KIF26B: variants seen among roughly 807,000 people sequenced by gnomAD.
The protein encoded by KIF26B is kinesin family member 26B, also known as kinesin-like protein KIF26B.
In KIF26B, 63 loss-of-function variants were observed where a neutral mutation model predicts 151.2. The observed-to-expected ratio is 0.42, with a 90% confidence interval of 0.34 to 0.51. The LOEUF (loss-of-function observed/expected upper bound fraction) is 0.51. KIF26B is among the 20% of genes least tolerant of loss of function. The pLI is 0.07. For missense variants in KIF26B, 2,813 were observed against 2,913.6 expected (o/e 0.97, Z 0.79); for synonymous variants, 1,357 against 1,262.1 (o/e 1.08, Z -1.59).
At chr1:245,549,309 C>G (rs1159004049) in intron 5 of KIF26B, among the ~76,000 whole-genome samples, 1 of 152,162 alleles carries the variant, frequency 6.6e-6, no homozygotes, top group East Asian at 1.9e-4. Context: ...AGGGAATTCT[C>G]TCTGGAATAA....
chr1:245,607,414 C>T lies in KIF26B; in HGVS notation c.1558-237C>T, dbSNP rs186157698. Among the ~76,000 whole-genome samples, 20 of 152,302 alleles carry T rather than the reference C, an allele frequency of 1.3e-4. No homozygotes were observed. In the East Asian group the frequency reaches 3.9e-3, roughly 29 times the overall value. On this transcript the variant is annotated intron_variant, in intron 6 of 14. Coordinates refer to ENST00000407071, the MANE Select transcript of KIF26B (RefSeq NM_018012.4). ...CTACAGACGCATTCGCTGAAACGTA[C>T]CACGGATTAGCAGAAGGGTGGTTTG...
At chr1:245,329,765 G>A (rs373302234) in intron 2 of KIF26B, among the ~76,000 whole-genome samples, 1 of 152,174 alleles carries the variant, frequency 6.6e-6, no homozygotes, top group South Asian at 2.1e-4. Flanking sequence ...AAACAATAGA[G>A]TGACATGTAT....
chr1:245,280,680 T>A (rs1162092081), intron 2 of KIF26B, among the ~76,000 whole-genome samples: 1 of 133,914 alleles, frequency 7.5e-6, no homozygotes, highest in African/African-American at 2.9e-5. Flanking sequence ...TGTATACATG[T>A]GCCATGCTGG....
At chr1:245,413,538 C>T (rs547612895) in intron 3 of KIF26B, among the ~76,000 whole-genome samples, 1 of 152,212 alleles carries the variant, frequency 6.6e-6, no homozygotes, top group African/African-American at 2.4e-5. Flanking sequence ...TGGCGTCCAC[C>T]TGTAATCCCA....
At position 245,707,257 on chromosome 1, in the gene KIF26B, C is replaced by T. The variant is rs2044853922; in HGVS notation, c.*4651C>T. 6.6e-6 allele frequency: 1 copy of T among 152,204 alleles called. No homozygotes were observed. Among genetic ancestry groups the T allele is most frequent in the African/African-American group, 2.4e-5 (1 of 41,438 alleles). 9.4% of individuals were successfully genotyped at this position (152,204 alleles called of 1,614,324 possible). A position where few individuals can be genotyped will look rare whatever the true frequency, so the allele number is the denominator to read the frequency against. On this transcript the variant is annotated 3_prime_UTR_variant, in exon 15 of 15. Coordinates refer to ENST00000407071, the MANE Select transcript of KIF26B (RefSeq NM_018012.4). Reference sequence around the variant, plus strand: ...GCGGCTTGGGGCAGTATCAAGCCTTCATTGCATACAAACCTTAATCTCTAA... The same window carrying T: ...GCGGCTTGGGGCAGTATCAAGCCTTTATTGCATACAAACCTTAATCTCTAA...
intron 10 of KIF26B, chr1:245,676,087 T>G (rs1437195222): frequency 6.6e-6 from 1 of 152,232 alleles, no homozygotes; most frequent in African/African-American, 2.4e-5. Context: ...CTTTCAAGTC[T>G]AATACTCTGT....
intron 10 of KIF26B, among the ~76,000 whole-genome samples, chr1:245,659,001 G>A (rs1486446820): frequency 3.7e-4 from 57 of 152,096 alleles, no homozygotes; most frequent in Admixed American, 3.7e-3. Context: ...GGAAGCCAAG[G>A]CAGGAGGATC....
In KIF26B at chr1:245,495,116, CACA is replaced by C. The variant is rs1465250979; in HGVS notation, c.1167-45646_1167-45644del. Among the ~76,000 whole-genome samples the C allele has an allele frequency of 6.6e-6, 1 of 152,066 alleles. No homozygotes were observed. Among genetic ancestry groups the C allele is most frequent in the Non-Finnish European group, 1.5e-5 (1 of 68,010 alleles). On this transcript the variant is annotated intron_variant, in intron 4 of 14. Transcript: ENST00000407071. This position sits in a 1 kb window ranked among gnomAD's most constrained non-coding sequence, Gnocchi z 4.2. The stretch of plus-strand genomic sequence containing the variant: ...AAAATGAAATAATGGATATTAAGAA[CACA>C]ACAAGTGGATCTAATAGCAGATTAG...
At position 245,661,540 on chromosome 1, in the gene KIF26B, C is replaced by T. The variant is rs1045555132; in HGVS notation, c.2258+15260C>T. On this transcript the variant is annotated intron_variant, in intron 10 of 14. Transcript: ENST00000407071. ...ATTATATACAATATACACACATACC[C>T]AATATGTATATACACCCAATGTTAT... 2.0e-5 allele frequency among the ~76,000 whole-genome samples: 3 copies of T among 151,208 alleles called. No individual in the cohort carries two copies. The East Asian group carries it at 5.8e-4, about 29-fold the overall frequency.
chr1:245,222,549 C>T, intron 2 of KIF26B, among the ~76,000 whole-genome samples: 1 of 152,224 alleles, frequency 6.6e-6, no homozygotes, highest in East Asian at 1.9e-4. Flanking sequence ...GAATTTTTAT[C>T]TAATCTCAAA....
intron 3 of KIF26B, among the ~76,000 whole-genome samples, chr1:245,396,294 A>T (rs1673839891): frequency 6.6e-6 from 1 of 152,188 alleles, no homozygotes; most frequent in East Asian, 1.9e-4. Context: ...TTAAAGGATG[A>T]CTCACAAATT....
At chr1:245,171,661 T>C (rs1668711625) in intron 2 of KIF26B, among the ~76,000 whole-genome samples, 1 of 152,218 alleles carries the variant, frequency 6.6e-6, no homozygotes, top group South Asian at 2.1e-4. Flanking sequence ...GCATATTCTT[T>C]TAAATTATTA....
At chr1:245,348,270 C>A (rs555782174) in intron 2 of KIF26B, among the ~76,000 whole-genome samples, 1 of 152,278 alleles carries the variant, frequency 6.6e-6, no homozygotes, top group African/African-American at 2.4e-5. Context: ...GCCATCCCTC[C>A]CAGGCCCGTA....
intron 4 of KIF26B, among the ~76,000 whole-genome samples, chr1:245,469,051 G>A (rs1285528822): frequency 6.6e-6 from 1 of 152,164 alleles, no homozygotes; most frequent in Non-Finnish European, 1.5e-5. Flanking sequence ...ATCAGCTGCG[G>A]TAGAAAGAGA....
intron 3 of KIF26B, among the ~76,000 whole-genome samples, chr1:245,384,464 C>T (rs924889328): frequency 8.5e-5 from 13 of 152,296 alleles, no homozygotes; most frequent in Non-Finnish European, 1.5e-4. Flanking sequence ...CTTTCTGTTG[C>T]CCAGCTGGAT....
chr1:245,305,359 T>G (rs1671516100), intron 2 of KIF26B, among the ~76,000 whole-genome samples: 1 of 152,130 alleles, frequency 6.6e-6, no homozygotes, highest in Non-Finnish European at 1.5e-5. Context: ...ATAAAGAACC[T>G]GTACCCAGAA....
At chr1:245,365,562 G>A (rs1242077698) in intron 2 of KIF26B, among the ~76,000 whole-genome samples, 2 of 151,086 alleles carry the variant, frequency 1.3e-5, no homozygotes, top group Non-Finnish European at 2.9e-5. Context: ...CTCTGATGGG[G>A]CTTCTACCCC....
chr1:245,534,631 G>A (rs917324041), intron 4 of KIF26B, among the ~76,000 whole-genome samples: 1 of 152,126 alleles, frequency 6.6e-6, no homozygotes, highest in African/African-American at 2.4e-5. Context: ...GTAAGAATAA[G>A]ACAAGTAGTT....
intron 10 of KIF26B, among the ~76,000 whole-genome samples, chr1:245,659,561 C>A (rs72764818): frequency 6.6e-6 from 1 of 151,980 alleles, no homozygotes; most frequent in Admixed American, 6.5e-5. Flanking sequence ...TTTGCTCTAC[C>A]GGGTTATTTT....
Sources: allele counts gnomAD v4.1 joint callset (sites outside exome capture counted in the v4.1 genomes callset), GRCh38; gene constraint gnomAD v4.1.1; non-coding constraint Gnocchi (gnomAD v3.1); transcripts MANE v1.5; gene names NCBI Gene and HGNC (gene_info 2026-07-23, HGNC 2026-07-21).